Variants in FAM227A observed in about 807,000 individuals in gnomAD.
FAM227A encodes the protein family with sequence similarity 227 member A, also known as protein FAM227A.
Under a neutral mutation model 74.7 loss-of-function variants are expected in FAM227A, and 80 were observed. The ratio of observed to expected loss-of-function variants is 1.07; its 90% CI spans 0.89 to 1.29. The LOEUF (loss-of-function observed/expected upper bound fraction) is 1.29, where lower values mean the gene tolerates loss of function less well. FAM227A is among the 50% of genes most tolerant of loss of function. The probability of loss-of-function intolerance (pLI) is 0.00; values close to 1 mark genes in which losing one functional copy is unlikely to be tolerated. For synonymous variants in FAM227A, 237 were observed against 241.8 expected (o/e 0.98, Z 0.19); for missense variants, 654 against 683.4 (o/e 0.96, Z 0.48).
At chr22:38,644,361 A>C (rs71208029) in intron 3 of FAM227A, among the ~76,000 whole-genome samples, 5 of 122,904 alleles carry the variant, frequency 4.1e-5, no homozygotes, top group Non-Finnish European at 9.3e-5. Flanking sequence ...GGACAGCGAA[A>C]CTATGCTGTG....
rs1396545438 is a variant in FAM227A, at chr22:38,579,931, TTTTTA to T, written c.*6189_*6193del. On this transcript the variant is annotated 3_prime_UTR_variant, in exon 17 of 17. Coordinates refer to ENST00000535113, the MANE Select transcript of FAM227A (RefSeq NM_001013647.2). The stretch of plus-strand genomic sequence containing the variant: ...AATTGATTGATGTCTTTTTTTTTTC[TTTTTA>T]GAGATGTGGTCTCATTCTGTCACCT... The T allele has an allele frequency of 3.3e-5, 5 of 152,060 alleles. No individual in the cohort carries two copies. The allele number at this position is 152,060 out of a possible 1,614,324, so 9.4% of individuals were successfully genotyped here.
intron 11 of FAM227A, among the ~76,000 whole-genome samples, chr22:38,618,000 G>C (rs1217744623): frequency 6.6e-6 from 1 of 152,110 alleles, no homozygotes; most frequent in African/African-American, 2.4e-5. Context: ...GCCATGATCA[G>C]AGTAATAACC....
chr22:38,613,400 T>TA (rs375800648), intron 11 of FAM227A, among the ~76,000 whole-genome samples: 6 of 106 alleles, frequency 0.057, no homozygotes, highest in African/African-American at 0.091. Flanking sequence ...TAATATATAT[T>TA]TATAATATAT....
chr22:38,597,552 G>A (rs1483342922), intron 14 of FAM227A, among the ~76,000 whole-genome samples, 196 bp from the exon 15 acceptor site: 3 of 152,212 alleles, frequency 2.0e-5, no homozygotes, highest in African/African-American at 7.2e-5. Context: ...CTGCTTTGGA[G>A]GGAAGAGGCC....
At chr22:38,596,787 A>T (rs2091054130) in intron 15 of FAM227A, among the ~76,000 whole-genome samples, 1 of 152,148 alleles carries the variant, frequency 6.6e-6, no homozygotes, top group African/African-American at 2.4e-5. Context: ...GACAGAGGAA[A>T]ATGTCCATAA....
chr22:38,651,732 G>C (rs776979809), intron 1 of FAM227A, among the ~76,000 whole-genome samples: 25 of 152,096 alleles, frequency 1.6e-4, no homozygotes, highest in Non-Finnish European at 3.1e-4. Flanking sequence ...ATTACTTGGG[G>C]AGGATAAAAG....
chr22:38,620,269 A>G lies in FAM227A; in HGVS notation c.981T>C (p.Ala327=). The change falls in exon 11 of 17, where the codon GCT becomes GCC. Residue 327 remains alanine (A), a synonymous_variant. Coordinates refer to ENST00000535113, the MANE Select transcript of FAM227A (RefSeq NM_001013647.2). Reference sequence around the variant, plus strand: ...GCTTCTGGGAGAAGGCTCTCTTACCAGCAAACAAAGAAAACTCTCTCCCTA... The same window carrying G: ...GCTTCTGGGAGAAGGCTCTCTTACCGGCAAACAAAGAAAACTCTCTCCCTA... ...LTKGREFSLF[A]GKRAFSQKPA... 6.4e-7 allele frequency: 1 copy of G among 1,551,346 alleles called. No homozygotes were observed. The highest frequency in any genetic ancestry group is 8.7e-7 in the Non-Finnish European group (1 of 1,146,662).
intron 6 of FAM227A, among the ~76,000 whole-genome samples, chr22:38,630,742 C>T (rs1439187167): frequency 1.3e-5 from 2 of 152,206 alleles, no homozygotes; most frequent in African/African-American, 4.8e-5. Context: ...CCCTGCCCTC[C>T]AGGGTTTCAC....
At chr22:38,589,207 G>A (rs1006117033) in intron 16 of FAM227A, among the ~76,000 whole-genome samples, 5 of 152,112 alleles carry the variant, frequency 3.3e-5, no homozygotes, top group African/African-American at 1.2e-4. Context: ...ACAAGCCAAG[G>A]ACAGCCACGG....
rs1379407220 is a variant in FAM227A at position 38,585,578 on chromosome 22, C to T, written c.*547G>A. 1 of 152,806 alleles carries T rather than the reference C, an allele frequency of 6.5e-6. No individual in the cohort carries two copies. Among genetic ancestry groups the T allele is most frequent in the African/African-American group, 2.4e-5 (1 of 41,426 alleles). The allele number at this position is 152,806 out of a possible 1,614,324, so 9.5% of individuals were successfully genotyped here. ...ACAAAGCTTGTTACAAAAAATTGCA[C>T]TCCTCTAGGCCCATTTTCCTTTTCC... On this transcript the variant is annotated 3_prime_UTR_variant, in exon 17 of 17. Coordinates refer to ENST00000535113, the MANE Select transcript of FAM227A (RefSeq NM_001013647.2).
At chr22:38,606,614 A>G in intron 12 of FAM227A, among the ~76,000 whole-genome samples, 1 of 152,158 alleles carries the variant, frequency 6.6e-6, no homozygotes, top group East Asian at 1.9e-4. Flanking sequence ...TGAGTTTAAC[A>G]TTACTCATGA....
intron 11 of FAM227A, among the ~76,000 whole-genome samples, chr22:38,613,297 ATATAT>A (rs1296718036): frequency 1.2e-5 from 1 of 81,918 alleles, no homozygotes; most frequent in Non-Finnish European, 2.1e-5. Flanking sequence ...AATATATATC[ATATAT>A]AATATATAAC....
intron 12 of FAM227A, 56 bp downstream of exon 12, chr22:38,607,333 T>C: frequency 7.5e-7 from 1 of 1,341,636 alleles, no homozygotes; most frequent in Non-Finnish European, 1.0e-6. Flanking sequence ...AACCAGGGTT[T>C]TGGAGACAAT....
At chr22:38,613,134 ATAAT>A (rs1602946595) in intron 11 of FAM227A, among the ~76,000 whole-genome samples, 1 of 91,632 alleles carries the variant, frequency 1.1e-5, no homozygotes, top group East Asian at 2.7e-4. Context: ...AATTATATAT[ATAAT>A]ATATATATTA....
chr22:38,632,090 G>A (rs1312960438), intron 6 of FAM227A, among the ~76,000 whole-genome samples: 3 of 151,980 alleles, frequency 2.0e-5, no homozygotes, highest in Admixed American at 2.0e-4. Context: ...GGCGAGCCCT[G>A]GAGGAAAAGC....
chr22:38,594,513 T>C (rs970507038), intron 15 of FAM227A, among the ~76,000 whole-genome samples: 2 of 152,230 alleles, frequency 1.3e-5, no homozygotes, highest in Non-Finnish European at 2.9e-5. Flanking sequence ...GGGAGGTTTT[T>C]CTTGGCTGCA....
chr22:38,600,066 A>C, intron 13 of FAM227A, 145 bp from the exon 14 acceptor site: 3 of 741,560 alleles, frequency 4.0e-6, no homozygotes, highest in Non-Finnish European at 6.2e-6. Context: ...ACTCAAAATA[A>C]AGCAAAAAAA....
intron 2 of FAM227A, 89 bp downstream of exon 2, chr22:38,649,938 T>C: frequency 1.7e-6 from 2 of 1,197,684 alleles, no homozygotes; most frequent in Non-Finnish European, 2.4e-6. Context: ...TAATGTGCAT[T>C]ATAGACCTGA....
chr22:38,586,270 G>A (rs1484255121), intron 16 of FAM227A, 71 bp from the exon 17 acceptor site: 6 of 1,496,176 alleles, frequency 4.0e-6, no homozygotes, highest in Admixed American at 2.0e-5. Context: ...GACTTTGCAC[G>A]TGAGCAGTGG....
Sources: gnomAD v4.1 joint callset for allele counts (sites outside exome capture counted in the v4.1 genomes callset) on GRCh38, gnomAD v4.1.1 for gene constraint, MANE v1.5 for transcripts, NCBI Gene and HGNC (gene_info 2026-07-23, HGNC 2026-07-21) for gene names.